Variants in CCNY observed in about 807,000 individuals in gnomAD.
The protein encoded by CCNY is cyclin-Y.
In CCNY, 19 loss-of-function variants were observed where a neutral mutation model predicts 42.8. The observed-to-expected ratio is 0.44, with a 90% CI of 0.31 to 0.65. The LOEUF (loss-of-function observed/expected upper bound fraction) is 0.65. CCNY is among the 30% of genes least tolerant of loss of function. The probability of loss-of-function intolerance (pLI) is 0.07; values close to 1 mark genes in which losing one functional copy is unlikely to be tolerated. For synonymous variants in CCNY, 165 were observed against 162.7 expected (o/e 1.01, Z -0.11); for missense variants, 370 against 437.3 (o/e 0.85, Z 1.37).
chr10:35,521,467 GC>G (rs1438895327), intron 4 of CCNY, among the ~76,000 whole-genome samples: 1 of 152,216 alleles, frequency 6.6e-6, no homozygotes, highest in Non-Finnish European at 1.5e-5. Flanking sequence ...GATCTGGTTA[GC>G]CACTCTGGGC....
At chr10:35,324,658 A>G (rs1469681516) in intron 3 of CCNY, among the ~76,000 whole-genome samples, 1 of 152,220 alleles carries the variant, frequency 6.6e-6, no homozygotes. Context: ...AGTAGTCTAG[A>G]GAGGCCTGAT....
At chr10:35,532,719 G>A (rs930263637) in intron 7 of CCNY, among the ~76,000 whole-genome samples, 5 of 152,192 alleles carry the variant, frequency 3.3e-5, no homozygotes, top group African/African-American at 1.2e-4. Context: ...GAAGTGGGCA[G>A]AAAGGCCTTG....
rs534265478 is a variant in CCNY, at chr10:35,344,872, A to G, written c.154+7665A>G. 2.7e-3 allele frequency among the ~76,000 whole-genome samples: 412 copies of G among 152,278 alleles called. 1 individual carries two copies. The highest frequency in any genetic ancestry group is 0.011 in the Admixed American group (169 of 15,298). On this transcript the variant is annotated intron_variant, in intron 1 of 9. Transcript: ENST00000374704. ...TAGTTTGCTGAGAATGATGGTTTCCAGCTTCATCCATGTCCCTACAAAGGA... is the reference window on the plus strand; with the variant it reads ...TAGTTTGCTGAGAATGATGGTTTCCGGCTTCATCCATGTCCCTACAAAGGA...
intron 1 of CCNY, among the ~76,000 whole-genome samples, chr10:35,350,448 CAGTT>C (rs1270586705): frequency 6.6e-6 from 1 of 151,940 alleles, no homozygotes; most frequent in Non-Finnish European, 1.5e-5. Flanking sequence ...AATGGAATGA[CAGTT>C]AAGAGTCTGT....
At chr10:35,525,047 A>G (rs1660047235) in intron 4 of CCNY, among the ~76,000 whole-genome samples, 1 of 152,234 alleles carries the variant, frequency 6.6e-6, no homozygotes, top group Admixed American at 6.5e-5. Flanking sequence ...TATGGTATTA[A>G]TTATAATTGC....
chr10:35,268,086 G>C lies in CCNY; in HGVS notation c.-9+17460G>C, dbSNP rs373701378. ...ATTATAAGCATGCGCCACTACACCC[G>C]GCTAATTTTGTATTTTTAGGTTGGT... is the stretch of plus-strand genomic sequence containing the variant. On this transcript the variant is annotated intron_variant, in intron 3 of 11. Coordinates refer to the CCNY transcript ENST00000374706. Among the ~76,000 whole-genome samples, 133 of 152,076 alleles carry C rather than the reference G, an allele frequency of 8.7e-4. 1 individual carries two copies. Among genetic ancestry groups the C allele is most frequent in the African/African-American group, 2.9e-3 (121 of 41,514 alleles).
At chr10:35,513,635 C>G (rs1219278313) in intron 3 of CCNY, among the ~76,000 whole-genome samples, 1 of 152,172 alleles carries the variant, frequency 6.6e-6, no homozygotes, top group Non-Finnish European at 1.5e-5. Context: ...TCATTTTCAT[C>G]TCTGTTTTAC....
At chr10:35,311,080 AG>A (rs1835678218) in intron 3 of CCNY, among the ~76,000 whole-genome samples, 5 of 152,344 alleles carry the variant, frequency 3.3e-5, no homozygotes, top group African/African-American at 1.2e-4. Flanking sequence ...TGGGAGGCTG[AG>A]GCAGGAGGAT....
At chr10:35,465,941 G>GTGTGTGTGTGTGTGTGTGTGTGTGTC (rs1426716577) in intron 1 of CCNY, among the ~76,000 whole-genome samples, 1 of 146,016 alleles carries the variant, frequency 6.8e-6, no homozygotes, top group African/African-American at 2.5e-5. Flanking sequence ...GAGAGAGAGT[G>GTGTGTGTGTGTGTGTGTGTGTGTGTC]TGTGTGTGTG....
At chr10:35,445,631 T>TGA (rs1317189940) in intron 1 of CCNY, among the ~76,000 whole-genome samples, 9 of 151,978 alleles carry the variant, frequency 5.9e-5, no homozygotes, top group Non-Finnish European at 1.3e-4. Flanking sequence ...GAGTAGGAGG[T>TGA]GAGAGACTAC....
intron 4 of CCNY, among the ~76,000 whole-genome samples, chr10:35,524,722 A>G (rs1840617777): frequency 6.6e-6 from 1 of 152,380 alleles, no homozygotes; most frequent in African/African-American, 2.4e-5. Flanking sequence ...TGTCCAGAAC[A>G]TGAATAACCC....
intron 3 of CCNY, among the ~76,000 whole-genome samples, chr10:35,311,450 G>A (rs1464565081): frequency 1.3e-5 from 2 of 152,358 alleles, no homozygotes; most frequent in African/African-American, 4.8e-5. Flanking sequence ...GCTGAGGCGG[G>A]TGGATCACCT....
rs533977727 is a variant in CCNY, at chr10:35,459,332, G to A, written c.155-24072G>A. Among the ~76,000 whole-genome samples the A allele has an allele frequency of 3.9e-5, 6 of 152,310 alleles. No homozygotes were observed. In the East Asian group the frequency reaches 1.2e-3, roughly 29 times the overall value. On this transcript the variant is annotated intron_variant, in intron 1 of 9. Transcript: ENST00000374704. ...GCCTGCAGCCTGCAGGCCGCATGTGGCCCAGGAGTGCAGCCCAACACAAAT... is the reference window on the plus strand; with the variant it reads ...GCCTGCAGCCTGCAGGCCGCATGTGACCCAGGAGTGCAGCCCAACACAAAT...
rs34467762 is a variant in CCNY, at chr10:35,275,056, C to CTTTT, written c.-9+24452_-9+24455dup. On this transcript the variant is annotated intron_variant, in intron 3 of 11. Coordinates refer to the CCNY transcript ENST00000374706. ...TATTGTTTTTGATTCACCGTCATTC[C>CTTTT]TTTTTTTTTTTTTTTTTTTTTTTTT... is the stretch of plus-strand genomic sequence containing the variant. 2.9e-3 allele frequency among the ~76,000 whole-genome samples: 191 copies of CTTTT among 64,896 alleles called. 2 individuals are homozygous for CTTTT. Among genetic ancestry groups the CTTTT allele is most frequent in the African/African-American group, 4.1e-3 (59 of 14,306 alleles). 42.6% of individuals were successfully genotyped at this position (64,896 alleles called of 152,430 possible).
intron 3 of CCNY, among the ~76,000 whole-genome samples, chr10:35,282,523 C>G (rs1224605231): frequency 2.6e-5 from 4 of 151,608 alleles, no homozygotes; most frequent in African/African-American, 7.3e-5. Context: ...GTCAGGAATT[C>G]GAGACCAGCC....
intron 3 of CCNY, among the ~76,000 whole-genome samples, chr10:35,509,999 G>A (rs186428166): frequency 2.0e-5 from 3 of 151,964 alleles, no homozygotes; most frequent in Non-Finnish European, 4.4e-5. Flanking sequence ...CAGGCCTTTC[G>A]TTCATTCCTA....
At chr10:35,500,631 C>A (rs559051188) in intron 2 of CCNY, among the ~76,000 whole-genome samples, 1 of 152,150 alleles carries the variant, frequency 6.6e-6, no homozygotes, top group Non-Finnish European at 1.5e-5. Context: ...TTTACAGTAA[C>A]GAATAAATGT....
At position 35,378,587 on chromosome 10, in the gene CCNY, C is replaced by G. The variant is rs1249002069; in HGVS notation, c.154+41380C>G. On this transcript the variant is annotated intron_variant, in intron 1 of 9. Coordinates refer to ENST00000374704, the MANE Select transcript of CCNY (RefSeq NM_145012.6). The stretch of plus-strand genomic sequence containing the variant: ...AGTTAGGAGGGTTTTTCTGTTTGAG[C>G]ACGGAGCTAGAAGGACAGTAGAAGA... Among the ~76,000 whole-genome samples, 3 of 151,934 alleles carry G rather than the reference C, an allele frequency of 2.0e-5. No homozygotes were observed. The South Asian group carries it at 6.3e-4, about 32-fold the overall frequency.
chr10:35,386,680 T>C (rs1283724241), intron 1 of CCNY, among the ~76,000 whole-genome samples: 1 of 152,096 alleles, frequency 6.6e-6, no homozygotes, highest in Non-Finnish European at 1.5e-5. Flanking sequence ...ATTGACCGAG[T>C]TGAAGGAAAC....
Sources: allele counts gnomAD v4.1 joint callset (sites outside exome capture counted in the v4.1 genomes callset), GRCh38; gene constraint gnomAD v4.1.1; transcripts MANE v1.5; gene names NCBI Gene and HGNC (gene_info 2026-07-23, HGNC 2026-07-21).